Variants in AFG2A observed in about 807,000 individuals in gnomAD.
AFG2A encodes ATPase family gene 2 protein homolog A.
At chr4:123,057,682 T>G in the AFG2A span, among the ~76,000 whole-genome samples, 1 of 152,166 alleles carries the variant, frequency 6.6e-6, no homozygotes, top group Admixed American at 6.5e-5. Context: ...TACACAGATT[T>G]TAAAATTCTC....
At chr4:123,072,056 T>G in the AFG2A span, among the ~76,000 whole-genome samples, 9 of 152,182 alleles carry the variant, frequency 5.9e-5, no homozygotes, top group Non-Finnish European at 4.4e-5. Flanking sequence ...TTTTTAAAAA[T>G]TATTTATGAT....
the AFG2A span, among the ~76,000 whole-genome samples, chr4:123,153,884 G>C: frequency 6.6e-6 from 1 of 152,182 alleles, no homozygotes; most frequent in South Asian, 2.1e-4. Flanking sequence ...GGCAGAAACA[G>C]TGCAAACCAG....
At chr4:123,016,260 G>T in the AFG2A span, among the ~76,000 whole-genome samples, 1 of 149,570 alleles carries the variant, frequency 6.7e-6, no homozygotes, top group Admixed American at 6.6e-5. Flanking sequence ...CGGGCAGAGG[G>T]GCTGACCCCC....
At chr4:123,178,253 C>T in the AFG2A span, among the ~76,000 whole-genome samples, 1 of 152,168 alleles carries the variant, frequency 6.6e-6, no homozygotes, top group African/African-American at 2.4e-5. Flanking sequence ...TCATCCCTTA[C>T]CCGTCTCCTT....
chr4:123,075,976 CAAA>C, the AFG2A span, among the ~76,000 whole-genome samples: 5 of 135,094 alleles, frequency 3.7e-5, no homozygotes, highest in African/African-American at 1.4e-4. Flanking sequence ...ACAACAACAA[CAAA>C]AAAAAAAACA....
At chr4:123,187,131 A>G in the AFG2A span, among the ~76,000 whole-genome samples, 1 of 152,356 alleles carries the variant, frequency 6.6e-6, no homozygotes, top group Admixed American at 6.5e-5. Flanking sequence ...TAGCAAATCC[A>G]GTCATTCAAA....
At chr4:123,228,112 C>T in the AFG2A span, among the ~76,000 whole-genome samples, 1 of 151,984 alleles carries the variant, frequency 6.6e-6, no homozygotes, top group South Asian at 2.1e-4. Flanking sequence ...TGTCTCTGTA[C>T]ATGAGATTTT....
chr4:122,936,845 T>C, the AFG2A span, among the ~76,000 whole-genome samples: 17 of 152,130 alleles, frequency 1.1e-4, no homozygotes, highest in Admixed American at 1.1e-3. Flanking sequence ...CCAGGTGTGG[T>C]GGCAAGTGCT....
At chr4:123,229,664 C>T in the AFG2A span, among the ~76,000 whole-genome samples, 1 of 151,872 alleles carries the variant, frequency 6.6e-6, no homozygotes, top group Non-Finnish European at 1.5e-5. Flanking sequence ...ATGCACAGTT[C>T]TTAGGTTTCT....
chr4:123,066,463 CAT>C, the AFG2A span, among the ~76,000 whole-genome samples: 9 of 152,050 alleles, frequency 5.9e-5, no homozygotes, highest in Non-Finnish European at 1.2e-4. Flanking sequence ...TCAGAAGAAA[CAT>C]GTAATTCTTT....
the AFG2A span, among the ~76,000 whole-genome samples, chr4:123,169,987 G>A: frequency 1.3e-5 from 2 of 152,176 alleles, no homozygotes; most frequent in Non-Finnish European, 2.9e-5. Context: ...TACAACTTGA[G>A]GTGGACTGTG....
chr4:122,986,417 T>G, the AFG2A span, among the ~76,000 whole-genome samples: 1 of 152,200 alleles, frequency 6.6e-6, no homozygotes, highest in Non-Finnish European at 1.5e-5. Context: ...ATCTCATTTC[T>G]TAGGTCTCTT....
chr4:122,936,211 A>C, the AFG2A span: 2 of 1,386,416 alleles, frequency 1.4e-6, no homozygotes, highest in Non-Finnish European at 2.0e-6. Flanking sequence ...TATTAGTCAA[A>C]GTGAGATACT....
At chr4:123,115,669 C>T in the AFG2A span, among the ~76,000 whole-genome samples, 2 of 152,066 alleles carry the variant, frequency 1.3e-5, no homozygotes, top group African/African-American at 4.8e-5. Context: ...AGGTACCGTT[C>T]GCCTTGGAGT....
chr4:123,056,495 T>C, the AFG2A span: 1 of 1,459,952 alleles, frequency 6.8e-7, no homozygotes, highest in South Asian at 1.4e-5. Context: ...ACTTCTGTCC[T>C]GTGCAGCTTC....
At chr4:123,034,010 T>G in the AFG2A span, among the ~76,000 whole-genome samples, 2 of 152,168 alleles carry the variant, frequency 1.3e-5, no homozygotes, top group Admixed American at 1.3e-4. Context: ...AGCCAGATGA[T>G]CAAGGTTAAC....
At chr4:123,026,740 C>G in the AFG2A span, among the ~76,000 whole-genome samples, 2 of 152,136 alleles carry the variant, frequency 1.3e-5, no homozygotes, top group South Asian at 4.1e-4. Flanking sequence ...AACATGGGGT[C>G]TATACATACT....
At chr4:122,979,257 G>A in the AFG2A span, 1 of 1,614,118 alleles carries the variant, frequency 6.2e-7, no homozygotes, top group South Asian at 1.1e-5. Context: ...GGAGAATCCT[G>A]AAAAAACAGC....
At chr4:122,938,094 T>G in the AFG2A span, 20 of 1,553,200 alleles carry the variant, frequency 1.3e-5, no homozygotes, top group East Asian at 2.3e-5. Context: ...CAAATATAGA[T>G]GAGAGATTTC....
Sources: allele counts gnomAD v4.1 joint callset (sites outside exome capture counted in the v4.1 genomes callset), GRCh38; gene constraint gnomAD v4.1.1; transcripts MANE v1.5; gene names NCBI Gene and HGNC (gene_info 2026-07-23, HGNC 2026-07-21).